Variants in VSTM1 observed in about 807,000 individuals in gnomAD.
VSTM1 encodes the protein V-set and transmembrane domain containing 1.
VSTM1 carries 27 observed loss-of-function variants against 33.1 expected under a neutral mutation model. The ratio of observed to expected loss-of-function variants is 0.82; its 90% CI spans 0.60 to 1.12. The LOEUF is 1.12. Ranked by LOEUF, VSTM1 falls within the 50% of genes most tolerant of loss-of-function variation. VSTM1 has a pLI of 0.00. For missense variants in VSTM1, 304 were observed against 288.9 expected (o/e 1.05, Z -0.38); for synonymous variants, 115 against 110.3 (o/e 1.04, Z -0.27).
intron 4 of VSTM1, among the ~76,000 whole-genome samples, chr19:54,042,835 T>TAC (rs1190129614): frequency 3.6e-4 from 27 of 75,760 alleles, no homozygotes; most frequent in Admixed American, 2.0e-3. Flanking sequence ...TATATATATA[T>TAC]ATACATATAT....
intron 3 of VSTM1, among the ~76,000 whole-genome samples, chr19:54,057,824 G>C (rs1226729857): frequency 6.7e-6 from 1 of 148,822 alleles, no homozygotes; most frequent in Non-Finnish European, 1.5e-5. Flanking sequence ...AAAAAAAAAG[G>C]CTGGGTGTGG....
At chr19:54,042,140 G>C (rs762763389) in intron 6 of VSTM1, 29 bp downstream of exon 6, 2 of 1,613,570 alleles carry the variant, frequency 1.2e-6, no homozygotes, top group African/African-American at 2.7e-5. Context: ...ATGGGAATAA[G>C]TGGAGCATGA....
intron 3 of VSTM1, among the ~76,000 whole-genome samples, chr19:54,054,004 G>C (rs1252641689): frequency 7.1e-6 from 1 of 141,328 alleles, no homozygotes; most frequent in Admixed American, 7.3e-5. Context: ...TTTTGTGCCA[G>C]GTATTTTGCA....
chr19:54,043,267 C>G (rs2070409679), intron 4 of VSTM1, among the ~76,000 whole-genome samples: 2 of 152,126 alleles, frequency 1.3e-5, no homozygotes, highest in African/African-American at 4.8e-5. Flanking sequence ...AATTCTGCCT[C>G]CAGACTCAAG....
intron 4 of VSTM1, among the ~76,000 whole-genome samples, chr19:54,047,003 C>T (rs182807826): frequency 5.6e-4 from 85 of 152,226 alleles, no homozygotes; most frequent in African/African-American, 1.9e-3. Flanking sequence ...CGAGACCAGC[C>T]TGACCAACAT....
At position 54,042,282 on chromosome 19, in the gene VSTM1, T is replaced by A. The variant is rs774134291; in HGVS notation, c.482A>T (p.Gln161Leu). The part of the protein sequence containing the change: ...LSVFIIYRCS[Q>L]HSSSSEESTK... ...TTTGCGTTCTCTGAGCTCACTGTGC[T>A]GGCTGCATCTGTAGATGATGAAGAC... The change falls in exon 5 of 9, where the codon CAG becomes CTG. Residue 161 changes from glutamine to leucine, a missense_variant. Physicochemically the swap from Gln to Leu is moderately radical, Grantham distance 113. Coordinates refer to ENST00000338372, the MANE Select transcript of VSTM1 (RefSeq NM_198481.4). 1.9e-6 allele frequency: 3 copies of A among 1,613,844 alleles called. No homozygotes were observed. The highest frequency in any genetic ancestry group is 2.5e-6 in the Non-Finnish European group (3 of 1,180,004).
In VSTM1 at chr19:54,041,093, T is replaced by C. The variant is rs2070239224; in HGVS notation, c.592-13A>G. 12 of 1,565,620 alleles carry C rather than the reference T, an allele frequency of 7.7e-6. No homozygotes were observed. The highest frequency in any genetic ancestry group is 1.0e-5 in the Non-Finnish European group (12 of 1,161,390). On this transcript the variant is annotated splice_polypyrimidine_tract_variant and intron_variant, in intron 8 of 8. Coordinates refer to ENST00000338372, the MANE Select transcript of VSTM1 (RefSeq NM_198481.4). ...GGGGGTCTGCCGTCTTTGGAGAAAA[T>C]AGATGAATATTAGAACTGAGTGTTC...
At chr19:54,052,182 A>G (rs1405890313) in intron 3 of VSTM1, among the ~76,000 whole-genome samples, 2 of 150,920 alleles carry the variant, frequency 1.3e-5, no homozygotes, top group African/African-American at 2.4e-5. Context: ...GCAGATCACA[A>G]GGTCAGGAGA....
intron 3 of VSTM1, among the ~76,000 whole-genome samples, chr19:54,056,074 T>C (rs1357212791): frequency 2.9e-5 from 4 of 140,108 alleles, no homozygotes; most frequent in Non-Finnish European, 6.3e-5. Flanking sequence ...ACCTTAATTA[T>C]GGGGCTCTCA....
chr19:54,056,195 CTTTCT>C lies in VSTM1; in HGVS notation c.355+2106_355+2110del, dbSNP rs1389829407. Among the ~76,000 whole-genome samples, 382 of 90,398 alleles carry C rather than the reference CTTTCT, an allele frequency of 4.2e-3. 2 individuals carry two copies. Among genetic ancestry groups the C allele is most frequent in the East Asian group, 8.8e-3 (30 of 3,398 alleles). The allele number at this position is 90,398 out of a possible 152,430, so 59.3% of individuals were successfully genotyped here. On this transcript the variant is annotated intron_variant, in intron 3 of 8. Transcript: ENST00000338372. Reference sequence around the variant, plus strand: ...TTCTTTTTTTGTTTTTCTTTTCTTTCTTTCTTTTCTTTTCTTTTCTTTTTTTTTTT... The same window carrying C: ...TTCTTTTTTTGTTTTTCTTTTCTTTCTTTCTTTTCTTTTCTTTTTTTTTTT...
intron 3 of VSTM1, among the ~76,000 whole-genome samples, chr19:54,054,848 A>AATGGATGGATGG (rs74177847): frequency 4.0e-5 from 5 of 125,282 alleles, no homozygotes; most frequent in African/African-American, 1.2e-4. Flanking sequence ...TGGATAGATG[A>AATGGATGGATGG]ATGGATGGAT....
chr19:54,046,670 C>A (rs2070608212), intron 4 of VSTM1, among the ~76,000 whole-genome samples: 2 of 151,776 alleles, frequency 1.3e-5, no homozygotes, highest in South Asian at 4.2e-4. Flanking sequence ...ACATTTGTAT[C>A]TCTTCTTTGG....
chr19:54,045,854 A>G (rs901011650), intron 4 of VSTM1, among the ~76,000 whole-genome samples: 3 of 152,102 alleles, frequency 2.0e-5, no homozygotes, highest in East Asian at 3.9e-4. Flanking sequence ...CTAATCTATC[A>G]TCTATCTAAT....
Position 54,041,954 on chromosome 19 carries a change from C to G in VSTM1, c.516-1G>C, listed in dbSNP as rs1173681293. On this transcript the variant is annotated splice_acceptor_variant, in intron 6 of 8. Coordinates refer to ENST00000338372, the MANE Select transcript of VSTM1 (RefSeq NM_198481.4). LOFTEE classifies it high-confidence loss of function. ...CTCCGGAAGTTTGGAATGGCTGGTT[C>G]TGAAAGAGAGAGACACACGTGAAAG... is the stretch of plus-strand genomic sequence containing the variant. 2 of 1,614,010 alleles carry G rather than the reference C, an allele frequency of 1.2e-6. No homozygotes were observed. The highest frequency in any genetic ancestry group is 8.5e-7 in the Non-Finnish European group (1 of 1,180,026).
intron 4 of VSTM1, among the ~76,000 whole-genome samples, chr19:54,042,807 T>TATATATAC (rs2070363853): frequency 1.1e-4 from 1 of 9,388 alleles, no homozygotes; most frequent in Non-Finnish European, 2.7e-4. Context: ...TATAAATGTG[T>TATATATAC]ATATATATAT....
intron 2 of VSTM1, 50 bp from the exon 3 acceptor site, chr19:54,058,640 GA>G: frequency 6.2e-7 from 1 of 1,613,654 alleles, no homozygotes; most frequent in Non-Finnish European, 8.5e-7. Flanking sequence ...ACGATTAAAG[GA>G]AAAGGTCATG....
chr19:54,042,839 CATAT>C (rs57596611), intron 4 of VSTM1, among the ~76,000 whole-genome samples: 3 of 70,732 alleles, frequency 4.2e-5, no homozygotes, highest in African/African-American at 6.5e-5. Flanking sequence ...TATATATATA[CATAT>C]ATATATATAT....
chr19:54,042,806 G>GTGTGTA (rs1213654028), intron 4 of VSTM1, among the ~76,000 whole-genome samples: 2 of 57,952 alleles, frequency 3.5e-5, no homozygotes, highest in South Asian at 1.2e-3. Context: ...ATATAAATGT[G>GTGTGTA]TATATATATA....
intron 6 of VSTM1, 73 bp downstream of exon 6, chr19:54,042,096 C>T: frequency 6.2e-7 from 1 of 1,609,296 alleles, no homozygotes; most frequent in Non-Finnish European, 8.5e-7. Flanking sequence ...GGGTGCCAAT[C>T]CCGGATGTGC....
Sources: allele counts gnomAD v4.1 joint callset (sites outside exome capture counted in the v4.1 genomes callset), GRCh38; gene constraint gnomAD v4.1.1; transcripts MANE v1.5; gene names NCBI Gene and HGNC (gene_info 2026-07-23, HGNC 2026-07-21).